Variants in CIMIP2A observed in about 807,000 individuals in gnomAD.
CIMIP2A encodes the protein family with sequence similarity 166 member A.
the CIMIP2A span, chr9:137,251,929 C>A: frequency 5.6e-6 from 9 of 1,599,046 alleles, no homozygotes; most frequent in Non-Finnish European, 6.8e-6. Context: ...CACCCCCAAG[C>A]TGGTCTTTGG....
At chr9:137,244,814 G>A in the CIMIP2A span, 1 of 1,580,150 alleles carries the variant, frequency 6.3e-7, no homozygotes, top group Non-Finnish European at 8.6e-7. Flanking sequence ...CCTCAGACGT[G>A]TCAGGGAAGC....
chr9:137,252,414 C>T, the CIMIP2A span: 6 of 1,603,842 alleles, frequency 3.7e-6, no homozygotes, highest in Admixed American at 5.1e-5. Context: ...CCAGCCTTCT[C>T]TCTCTCCATC....
chr9:137,253,694 G>A, the CIMIP2A span, among the ~76,000 whole-genome samples: 1 of 152,208 alleles, frequency 6.6e-6, no homozygotes, highest in Non-Finnish European at 1.5e-5. Flanking sequence ...CCCCCACCCA[G>A]CCGTGTCACT....
At chr9:137,251,964 A>AAGGAGC in the CIMIP2A span, 20 of 1,601,066 alleles carry the variant, frequency 1.2e-5, no homozygotes, top group African/African-American at 2.4e-4. Flanking sequence ...GGCCCGCTGA[A>AAGGAGC]AGGAGCCCAG....
chr9:137,246,250 G>C, the CIMIP2A span, among the ~76,000 whole-genome samples: 1 of 152,246 alleles, frequency 6.6e-6, no homozygotes, highest in Non-Finnish European at 1.5e-5. Context: ...GACACACGCA[G>C]GGCCCACCAG....
At chr9:137,246,810 C>T in the CIMIP2A span, among the ~76,000 whole-genome samples, 17 of 152,242 alleles carry the variant, frequency 1.1e-4, no homozygotes, top group East Asian at 2.9e-3. Context: ...CTTCACCTGC[C>T]CCTTCCCCAG....
At chr9:137,251,638 G>C in the CIMIP2A span, 42 of 1,425,070 alleles carry the variant, frequency 2.9e-5, no homozygotes, top group Non-Finnish European at 4.0e-5. Context: ...ACGTGGCTGG[G>C]AGCAGCCGGG....
the CIMIP2A span, chr9:137,252,295 G>A: frequency 7.6e-7 from 1 of 1,323,232 alleles, no homozygotes; most frequent in South Asian, 1.4e-5. Flanking sequence ...CTGGAGAGAG[G>A]AGGGCTAGGG....
At chr9:137,247,565 G>A in the CIMIP2A span, 1 of 1,167,038 alleles carries the variant, frequency 8.6e-7, no homozygotes, top group Non-Finnish European at 1.3e-6. Flanking sequence ...TCCAGCTCTG[G>A]GCCCCTCACA....
chr9:137,253,412 C>T, the CIMIP2A span: 1 of 1,462,790 alleles, frequency 6.8e-7, no homozygotes, highest in Admixed American at 2.6e-5. Context: ...GGGCTGTGGA[C>T]AAGGCTGGCC....
At chr9:137,249,683 C>A in the CIMIP2A span, among the ~76,000 whole-genome samples, 1 of 152,222 alleles carries the variant, frequency 6.6e-6, no homozygotes, top group Non-Finnish European at 1.5e-5. Context: ...CCCAAGAGGA[C>A]TGAGGCTCAG....
chr9:137,244,300 G>A, the CIMIP2A span: 510 of 1,613,300 alleles, frequency 3.2e-4, 3 homozygotes, highest in Non-Finnish European at 6.6e-5. Flanking sequence ...TGGGGAGACA[G>A]GAAGGTGCTA....
the CIMIP2A span, chr9:137,252,366 G>A: frequency 1.3e-6 from 2 of 1,495,964 alleles, no homozygotes; most frequent in Admixed American, 1.9e-5. Flanking sequence ...GGAACCGGGA[G>A]ACAGGTTCGA....
the CIMIP2A span, among the ~76,000 whole-genome samples, chr9:137,247,448 G>A: frequency 6.6e-6 from 1 of 152,236 alleles, no homozygotes; most frequent in Non-Finnish European, 1.5e-5. Context: ...CAGCAGGGAG[G>A]GTGAGGCCTG....
the CIMIP2A span, chr9:137,245,463 T>G: frequency 3.1e-5 from 50 of 1,613,920 alleles, no homozygotes; most frequent in South Asian, 5.3e-4. Flanking sequence ...GCAGAATCTG[T>G]CTGGGTATGT....
At chr9:137,250,426 C>G in the CIMIP2A span, 1 of 152,324 alleles carries the variant, frequency 6.6e-6, no homozygotes, top group Non-Finnish European at 1.5e-5. Context: ...CGTGTTTCCT[C>G]AAGCACGTGT....
chr9:137,247,389 T>C, the CIMIP2A span, among the ~76,000 whole-genome samples: 2 of 152,264 alleles, frequency 1.3e-5, no homozygotes, highest in African/African-American at 4.8e-5. Flanking sequence ...ACCCAGTTTC[T>C]GCTCGACAGA....
chr9:137,244,894 C>CA, the CIMIP2A span: 7 of 1,577,568 alleles, frequency 4.4e-6, no homozygotes, highest in Non-Finnish European at 6.0e-6. Context: ...AACAGGCAGG[C>CA]AAGGCACCGC....
the CIMIP2A span, chr9:137,244,609 G>C: frequency 9.3e-6 from 15 of 1,610,898 alleles, no homozygotes; most frequent in African/African-American, 1.6e-4. Context: ...GTGTGTGTGA[G>C]CTGGGAGCAG....
Sources: gnomAD v4.1 joint callset for allele counts (sites outside exome capture counted in the v4.1 genomes callset) on GRCh38, gnomAD v4.1.1 for gene constraint, MANE v1.5 for transcripts, NCBI Gene and HGNC (gene_info 2026-07-23, HGNC 2026-07-21) for gene names.